Variants in DLG2 observed in about 807,000 individuals in gnomAD.
DLG2 encodes disks large homolog 2.
Under a neutral mutation model 132.5 loss-of-function variants are expected in DLG2, and 45 were observed. That is an observed-to-expected ratio of 0.34 (90% CI 0.27 to 0.44). The LOEUF (loss-of-function observed/expected upper bound fraction) is 0.44. Ranked by LOEUF, DLG2 falls within the 20% of genes least tolerant of loss-of-function variation. The pLI is 1.00. For synonymous variants in DLG2, 424 were observed against 419.6 expected, an observed-to-expected ratio of 1.01 and a Z score of -0.13; for missense variants, 1,045 against 1,196.9, an observed-to-expected ratio of 0.87 and a Z score of 1.87.
chr11:84,106,979 G>GGTGTGT (rs35530888), intron 9 of DLG2, among the ~76,000 whole-genome samples: 44 of 105,400 alleles, frequency 4.2e-4, no homozygotes, highest in African/African-American at 1.3e-3. Context: ...TTAGCCTTAG[G>GGTGTGT]GTGTGTGTGT....
chr11:85,495,537 T>G (rs1404045630), intron 3 of DLG2, among the ~76,000 whole-genome samples: 2 of 152,128 alleles, frequency 1.3e-5, no homozygotes, highest in Non-Finnish European at 2.9e-5. Flanking sequence ...AAAAAGCTCA[T>G]CATCACTAGT....
intron 6 of DLG2, among the ~76,000 whole-genome samples, chr11:84,818,019 CA>C (rs2077254086): frequency 6.6e-6 from 1 of 151,944 alleles, no homozygotes; most frequent in Non-Finnish European, 1.5e-5. Flanking sequence ...ATATGCCAAA[CA>C]GATGATGAAT....
At chr11:85,410,267 A>G (rs192625286) in intron 3 of DLG2, among the ~76,000 whole-genome samples, 17 of 151,976 alleles carry the variant, frequency 1.1e-4, no homozygotes, top group African/African-American at 3.6e-4. Flanking sequence ...CATCTTCTTC[A>G]AAGTGCAAGA....
intron 9 of DLG2, among the ~76,000 whole-genome samples, chr11:84,103,773 T>C (rs1566511594): frequency 6.6e-6 from 1 of 152,144 alleles, no homozygotes; most frequent in African/African-American, 2.4e-5. Context: ...CCCACTTTTA[T>C]TAAAAGTTTA....
chr11:84,810,791 T>G (rs1407377880), intron 6 of DLG2, among the ~76,000 whole-genome samples: 1 of 152,176 alleles, frequency 6.6e-6, no homozygotes, highest in Non-Finnish European at 1.5e-5. Context: ...ACACATATCT[T>G]AAATGAAATT....
At chr11:84,372,082 A>G (rs1005410198) in intron 7 of DLG2, among the ~76,000 whole-genome samples, 3 of 152,332 alleles carry the variant, frequency 2.0e-5, no homozygotes, top group Admixed American at 6.5e-5. Context: ...ATTAATCTGA[A>G]AAATGCAAAT....
At chr11:84,547,704 C>A (rs2099392995) in intron 6 of DLG2, among the ~76,000 whole-genome samples, 1 of 152,124 alleles carries the variant, frequency 6.6e-6, no homozygotes, top group Non-Finnish European at 1.5e-5. Context: ...TGTCTGACTC[C>A]CTGAGAATCC....
At chr11:85,116,955 G>C (rs762591186) in intron 5 of DLG2, among the ~76,000 whole-genome samples, 24 of 152,022 alleles carry the variant, frequency 1.6e-4, no homozygotes, top group Non-Finnish European at 2.6e-4. Context: ...ACTGCACCTA[G>C]AGCTTAACAT....
chr11:85,078,601 T>C (rs2066852839), intron 6 of DLG2, among the ~76,000 whole-genome samples: 1 of 152,046 alleles, frequency 6.6e-6, no homozygotes, highest in Admixed American at 6.6e-5. Flanking sequence ...TGAAATAACC[T>C]TTCCTGTATT....
chr11:84,155,521 C>T (rs1030808423), intron 9 of DLG2, among the ~76,000 whole-genome samples: 2 of 151,458 alleles, frequency 1.3e-5, no homozygotes, highest in Non-Finnish European at 2.9e-5. Flanking sequence ...CTGCAAATTC[C>T]AAAGCCTGGT....
intron 3 of DLG2, among the ~76,000 whole-genome samples, chr11:85,332,353 T>G (rs2081820823): frequency 6.6e-6 from 1 of 152,228 alleles, no homozygotes; most frequent in African/African-American, 2.4e-5. Context: ...TGTTTATAGA[T>G]CCTGGCTATT....
At chr11:84,944,127 T>C (rs2049872396) in intron 6 of DLG2, among the ~76,000 whole-genome samples, 1 of 152,180 alleles carries the variant, frequency 6.6e-6, no homozygotes. Flanking sequence ...ATGTTATTTG[T>C]TTCTTTTCTC....
chr11:84,756,330 C>A (rs1243227963), intron 6 of DLG2, among the ~76,000 whole-genome samples: 2 of 152,058 alleles, frequency 1.3e-5, no homozygotes, highest in Non-Finnish European at 2.9e-5. Flanking sequence ...GTTGAGAGAC[C>A]AGGCATGGTG....
At chr11:84,402,927 T>G (rs923768871) in intron 7 of DLG2, among the ~76,000 whole-genome samples, 12 of 145,968 alleles carry the variant, frequency 8.2e-5, no homozygotes, top group Non-Finnish European at 4.5e-5. Flanking sequence ...TTATGTATCT[T>G]ACATGTTGTA....
chr11:83,736,639 T>C (rs755642959), intron 18 of DLG2, among the ~76,000 whole-genome samples: 7 of 152,186 alleles, frequency 4.6e-5, no homozygotes, highest in South Asian at 2.1e-4. Context: ...ACTGTGTGTA[T>C]GATTTGTTGC....
chr11:83,637,026 T>C (rs1324277595), intron 18 of DLG2, among the ~76,000 whole-genome samples: 1 of 152,142 alleles, frequency 6.6e-6, no homozygotes, highest in East Asian at 1.9e-4. Flanking sequence ...TAAATATAAA[T>C]GGTGCATCTG....
At chr11:84,088,171 T>G (rs2097023511) in intron 10 of DLG2, among the ~76,000 whole-genome samples, 1 of 152,196 alleles carries the variant, frequency 6.6e-6, no homozygotes, top group Non-Finnish European at 1.5e-5. Context: ...TTGCTCATGC[T>G]TTTTGTGTCA....
At chr11:85,403,487 A>G (rs1421470666) in intron 3 of DLG2, among the ~76,000 whole-genome samples, 2 of 152,076 alleles carry the variant, frequency 1.3e-5, no homozygotes, top group Non-Finnish European at 2.9e-5. Flanking sequence ...CTTAAAGTAT[A>G]ATAAAAAAAA....
intron 3 of DLG2, among the ~76,000 whole-genome samples, chr11:85,319,732 T>C (rs2080924953): frequency 6.6e-6 from 1 of 151,824 alleles, no homozygotes; most frequent in South Asian, 2.1e-4. Context: ...ATGTTCAATG[T>C]GCATTAACAT....
Sources: allele counts gnomAD v4.1 joint callset (sites outside exome capture counted in the v4.1 genomes callset), GRCh38; gene constraint gnomAD v4.1.1; transcripts MANE v1.5; gene names NCBI Gene and HGNC (gene_info 2026-07-23, HGNC 2026-07-21).